FAM135A: variants seen among roughly 807,000 people sequenced by gnomAD.
The protein encoded by FAM135A is family with sequence similarity 135 member A.
In FAM135A, 79 loss-of-function variants were observed where a neutral mutation model predicts 146.8. The ratio of observed to expected loss-of-function variants is 0.54; its 90% CI spans 0.45 to 0.65. The LOEUF (loss-of-function observed/expected upper bound fraction) is 0.65. Ranked by LOEUF, FAM135A falls within the 30% of genes least tolerant of loss-of-function variation. The probability of loss-of-function intolerance (pLI) is 0.00; values close to 1 mark genes in which losing one functional copy is unlikely to be tolerated. For missense variants in FAM135A, 1,623 were observed against 1,758.2 expected (o/e 0.92, Z 1.38); for synonymous variants, 562 against 603.6 (o/e 0.93, Z 1.01).
intron 20 of FAM135A, among the ~76,000 whole-genome samples, chr6:70,554,731 G>A (rs979966905): frequency 6.6e-6 from 1 of 152,114 alleles, no homozygotes; most frequent in East Asian, 1.9e-4. Flanking sequence ...GGGTTCAAGC[G>A]ATTCTCCTGC....
In FAM135A at chr6:70,538,335, C is replaced by T. The variant is rs865794189; in HGVS notation, c.4162C>T (p.Gln1388Ter). The T allele has an allele frequency of 1.3e-6, 2 of 1,526,198 alleles. No individual in the cohort carries two copies. The highest frequency in any genetic ancestry group is 1.8e-6 in the Non-Finnish European group (2 of 1,129,800). 94.5% of individuals were successfully genotyped at this position (1,526,198 alleles called of 1,614,324 possible). A position where few individuals can be genotyped will look rare whatever the true frequency, so the allele number is the denominator to read the frequency against. The change falls in exon 20 of 22, where the codon CAG becomes TAG. Residue 1388 changes from glutamine to a stop codon, truncating the protein, a stop_gained. Coordinates refer to ENST00000418814, the MANE Select transcript of FAM135A (RefSeq NM_001162529.3). LOFTEE classifies it high-confidence loss of function. ...QKWKKSGSLL[Q>*]LTCRDHSDPR... ...ATGGAAAAAATCAGGTTCGCTTTTG[C>T]AGCTGACATGTCGAGATCACTCAGA...
intron 4 of FAM135A, among the ~76,000 whole-genome samples, chr6:70,440,298 C>T (rs77534734): frequency 0.019 from 2,944 of 152,226 alleles, 120 homozygotes; most frequent in East Asian, 0.17. Flanking sequence ...TTATATCAAC[C>T]TAATGGACCC....
At chr6:70,552,967 T>G (rs1219048669) in intron 20 of FAM135A, among the ~76,000 whole-genome samples, 1 of 152,198 alleles carries the variant, frequency 6.6e-6, no homozygotes, top group African/African-American at 2.4e-5. Flanking sequence ...TTTTTAATTT[T>G]TTTTAACTTG....
chr6:70,557,241 G>T, intron 21 of FAM135A: 1 of 321,120 alleles, frequency 3.1e-6, no homozygotes, highest in African/African-American at 2.1e-5. Context: ...AAATGATAAA[G>T]ACTTTATTTG....
rs943188740 is a variant in FAM135A at position 70,528,292 on chromosome 6, C to T, written c.3615C>T (p.Ala1205=). Reference sequence around the variant, plus strand: ...GAGTATCTTTTGTATTTTGCTTCAGCTTCCTTCAGGCAAAAGAAGAACTGA... The same window carrying T: ...GAGTATCTTTTGTATTTTGCTTCAGTTTCCTTCAGGCAAAAGAAGAACTGA... The part of the protein sequence containing the change: ...YESSPKPQIQ[A]FLQAKEELKL... The change falls in exon 16 of 22, where the codon GCC becomes GCT. Residue 1205 remains alanine, a splice_region_variant and synonymous_variant. Transcript: ENST00000418814. 4 of 1,603,658 alleles carry T rather than the reference C, an allele frequency of 2.5e-6. No homozygotes were observed. The African/African-American group carries it at 5.4e-5, about 22-fold the overall frequency.
At chr6:70,428,985 G>A (rs977384239) in intron 4 of FAM135A, among the ~76,000 whole-genome samples, 3 of 152,056 alleles carry the variant, frequency 2.0e-5, no homozygotes, top group Admixed American at 1.3e-4. Flanking sequence ...ACTTCTTGGC[G>A]TTTTGGCTAA....
chr6:70,531,406 G>A (rs757360704), intron 16 of FAM135A, among the ~76,000 whole-genome samples: 1 of 152,162 alleles, frequency 6.6e-6, no homozygotes, highest in Non-Finnish European at 1.5e-5. Flanking sequence ...TTGAAGAAAT[G>A]CTTTAGGATC....
At chr6:70,488,280 G>C (rs1785115477) in intron 10 of FAM135A, among the ~76,000 whole-genome samples, 1 of 152,060 alleles carries the variant, frequency 6.6e-6, no homozygotes, top group Non-Finnish European at 1.5e-5. Context: ...AAATGCTTTA[G>C]TGCTAGGTAC....
intron 10 of FAM135A, among the ~76,000 whole-genome samples, 157 bp from the exon 11 acceptor site, chr6:70,490,877 A>G (rs1785749351): frequency 2.0e-5 from 3 of 152,066 alleles, no homozygotes; most frequent in South Asian, 4.1e-4. Context: ...CACATTACCT[A>G]TGTAATTAAT....
At chr6:70,538,461 T>A (rs1797183798) in intron 20 of FAM135A, 60 bp downstream of exon 20, 1 of 939,358 alleles carries the variant, frequency 1.1e-6, no homozygotes, top group Non-Finnish European at 1.5e-6. Flanking sequence ...AAAATAAACA[T>A]TTAGCAAATA....
At chr6:70,450,861 C>G (rs910548286) in intron 4 of FAM135A, among the ~76,000 whole-genome samples, 1 of 150,246 alleles carries the variant, frequency 6.7e-6, no homozygotes, top group Non-Finnish European at 1.5e-5. Flanking sequence ...CATGCCTCAG[C>G]CTCCCTAGTA....
At chr6:70,486,231 A>G (rs375311087) in intron 10 of FAM135A, 2 of 1,613,808 alleles carry the variant, frequency 1.2e-6, no homozygotes, top group Non-Finnish European at 1.7e-6. Flanking sequence ...GAACACAGAA[A>G]GACAACCATC....
At chr6:70,458,419 C>T (rs142538911) in intron 5 of FAM135A, among the ~76,000 whole-genome samples, 35 of 151,926 alleles carry the variant, frequency 2.3e-4, no homozygotes, top group Non-Finnish European at 3.7e-4. Context: ...ACTTGTTTTT[C>T]TTGTTTGTGG....
At chr6:70,433,220 G>T (rs1159547214) in intron 4 of FAM135A, among the ~76,000 whole-genome samples, 1 of 151,758 alleles carries the variant, frequency 6.6e-6, no homozygotes, top group Admixed American at 6.6e-5. Flanking sequence ...GACTACAGGC[G>T]CCCACTACCA....
intron 4 of FAM135A, among the ~76,000 whole-genome samples, chr6:70,450,213 TG>T (rs1393202718): frequency 2.6e-5 from 4 of 152,122 alleles, no homozygotes; most frequent in African/African-American, 7.2e-5. Flanking sequence ...TCCAAATCTG[TG>T]GGTTGTTTCT....
intron 4 of FAM135A, among the ~76,000 whole-genome samples, chr6:70,443,020 C>CGA (rs1469677707): frequency 6.6e-6 from 1 of 152,200 alleles, no homozygotes; most frequent in Admixed American, 6.5e-5. Flanking sequence ...CATATATCAT[C>CGA]TAATATTTTT....
chr6:70,533,588 ACT>A (rs1312418410), intron 17 of FAM135A, among the ~76,000 whole-genome samples, 167 bp from the exon 18 acceptor site: 4 of 152,114 alleles, frequency 2.6e-5, no homozygotes, highest in Non-Finnish European at 5.9e-5. Context: ...CTAGAAATTT[ACT>A]CTCTTTGCTC....
chr6:70,525,040 G>T lies in FAM135A; in HGVS notation c.1956G>T (p.Leu652Phe), dbSNP rs1343122987. ...ATGATCATCAAACAACCCCATCTTT[G>T]GGAGTTAGAACAATTGAAATAAAGC... is the stretch of plus-strand genomic sequence containing the variant. ...DCHDHQTTPS[L>F]GVRTIEIKPS... The change falls in exon 15 of 22, where the codon TTG becomes TTT. Residue 652 changes from leucine (L) to phenylalanine (F), a missense_variant. By Grantham distance (22) the Leu-to-Phe change is conservative. Around this residue, in one of 7 missense-constraint regions of FAM135A, gnomAD observed 1,061 missense variants for 1,113.8 expected, o/e 0.95. Coordinates refer to ENST00000418814, the MANE Select transcript of FAM135A (RefSeq NM_001162529.3). 6.3e-7 allele frequency: 1 copy of T among 1,594,972 alleles called. No homozygotes were observed. Among genetic ancestry groups the T allele is most frequent in the South Asian group, 1.2e-5 (1 of 86,510 alleles).
chr6:70,414,986 T>C (rs542067871), intron 1 of FAM135A, among the ~76,000 whole-genome samples: 24 of 152,370 alleles, frequency 1.6e-4, no homozygotes, highest in Non-Finnish European at 2.9e-4. Context: ...ATTAATTTGT[T>C]TTATACATTT....
Sources: allele counts gnomAD v4.1 joint callset (sites outside exome capture counted in the v4.1 genomes callset), GRCh38; gene constraint gnomAD v4.1.1; regional missense constraint gnomAD v4.1.1; transcripts MANE v1.5; gene names NCBI Gene and HGNC (gene_info 2026-07-23, HGNC 2026-07-21).